Variants in XIRP2 observed in about 807,000 individuals in gnomAD.
XIRP2 encodes the protein xin actin-binding repeat-containing protein 2.
Under a neutral mutation model 277.0 loss-of-function variants are expected in XIRP2, and 236 were observed. The ratio of observed to expected loss-of-function variants is 0.85; its 90% CI spans 0.77 to 0.95. The LOEUF is 0.95. Among genes scored for constraint, XIRP2 ranks in the 40% least tolerant of loss-of-function variants. The probability of loss-of-function intolerance (pLI) is 0.00; values close to 1 mark genes in which losing one functional copy is unlikely to be tolerated. For missense variants in XIRP2, 4,640 were observed against 4,157.5 expected (o/e 1.12, Z -3.19); for synonymous variants, 1,490 against 1,416.5 (o/e 1.05, Z -1.17).
chr2:166,889,558 T>G (rs939598820), intron 1 of XIRP2: 3 of 152,628 alleles, frequency 2.0e-5, no homozygotes, highest in Admixed American at 2.0e-4. Context: ...ATATTTTGCT[T>G]TCCTCTCCAC....
intron 2 of XIRP2, among the ~76,000 whole-genome samples, chr2:166,964,112 T>C (rs536144167): frequency 2.6e-5 from 4 of 151,780 alleles, no homozygotes; most frequent in Admixed American, 6.6e-5. Flanking sequence ...AGGGTAGGAA[T>C]AGTCATTGAA....
rs764776309 is a variant in XIRP2, at chr2:167,251,635, C to G, written c.10243C>G (p.Leu3415Val). 9.9e-6 allele frequency: 16 copies of G among 1,613,358 alleles called. No individual in the cohort carries two copies. The highest frequency in any genetic ancestry group is 1.4e-5 in the Non-Finnish European group (16 of 1,179,646). ...QPRICSETRS[L>V]SEHFSGMDAF... Reference sequence around the variant, plus strand: ...CAGGATCTGCTCTGAAACCAGGTCTCTAAGTGAACATTTCTCAGGCATGGA... The same window carrying G: ...CAGGATCTGCTCTGAAACCAGGTCTGTAAGTGAACATTTCTCAGGCATGGA... Residue 3415 changes from leucine to valine, a missense_variant, in exon 9 of 11, where the codon CTA becomes GTA. By Grantham distance (32) the Leu-to-Val change is conservative. Transcript: ENST00000409195.
chr2:166,958,526 A>C (rs1408253526), intron 2 of XIRP2, among the ~76,000 whole-genome samples: 1 of 151,690 alleles, frequency 6.6e-6, no homozygotes, highest in Non-Finnish European at 1.5e-5. Flanking sequence ...TGGTCTTGGC[A>C]CTTCAGTGTG....
intron 1 of XIRP2, among the ~76,000 whole-genome samples, chr2:166,897,250 C>T (rs1684268230): frequency 6.6e-6 from 1 of 152,180 alleles, no homozygotes; most frequent in Non-Finnish European, 1.5e-5. Flanking sequence ...ATTCTTTCTG[C>T]ACTGTTTCTG....
At chr2:167,087,813 G>A (rs1051044356) in intron 2 of XIRP2, among the ~76,000 whole-genome samples, 45 of 151,928 alleles carry the variant, frequency 3.0e-4, no homozygotes, top group African/African-American at 6.5e-4. Context: ...CGCACGGTGC[G>A]TGCACCCACT....
At chr2:167,045,521 A>G (rs1359592912) in intron 2 of XIRP2, among the ~76,000 whole-genome samples, 1 of 152,086 alleles carries the variant, frequency 6.6e-6, no homozygotes. Context: ...AAGGCCTAAT[A>G]TTCGGAATCT....
rs1021883020 is a variant in XIRP2, at chr2:167,059,447, G to GA, written c.409-76455dup. On this transcript the variant is annotated intron_variant, in intron 2 of 10. Coordinates refer to ENST00000409195, the MANE Select transcript of XIRP2 (RefSeq NM_152381.6). ...TTAAATAGGGTTAGATTAACATGTG[G>GA]AAAAAAATAAAATAAAATAAAATAA... Among the ~76,000 whole-genome samples, 228 of 101,340 alleles carry GA rather than the reference G, an allele frequency of 2.2e-3. 1 individual carries two copies. Among genetic ancestry groups the GA allele is most frequent in the Non-Finnish European group, 3.2e-3 (172 of 53,794 alleles). The allele number at this position is 101,340 out of a possible 152,430, so 66.5% of individuals were successfully genotyped here.
intron 3 of XIRP2, among the ~76,000 whole-genome samples, chr2:167,179,519 A>C (rs1181537817): frequency 6.6e-6 from 1 of 151,406 alleles, no homozygotes; most frequent in East Asian, 1.9e-4. Flanking sequence ...ACAGGGTTTC[A>C]CCGTATTAGC....
Position 167,250,170 on chromosome 2 carries a change from C to A in XIRP2, c.8778C>A (p.Phe2926Leu), listed in dbSNP as rs1309957845. The A allele has an allele frequency of 2.5e-6, 4 of 1,613,460 alleles. No individual in the cohort carries two copies. Among genetic ancestry groups the A allele is most frequent in the African/African-American group, 1.3e-5 (1 of 74,952 alleles). Residue 2926 changes from phenylalanine (F) to leucine (L), a missense_variant, in exon 9 of 11, where the codon TTC becomes TTA. Transcript: ENST00000409195. ...AAGAGATTACACAGAACAAATCTTT[C>A]TTTTCCTCTGTGAAAGAATCCCAGC... Reference protein sequence around the residue: ...SKQEITQNKSFFSSVKESQRD... With the variant: ...SKQEITQNKSLFSSVKESQRD...
chr2:167,023,591 C>G (rs575051711), intron 2 of XIRP2, among the ~76,000 whole-genome samples: 6 of 152,250 alleles, frequency 3.9e-5, no homozygotes, highest in African/African-American at 1.4e-4. Context: ...GGTTTTAGGT[C>G]AAACATGTAA....
chr2:167,237,254 T>G (rs942111442), intron 5 of XIRP2, among the ~76,000 whole-genome samples: 1 of 152,190 alleles, frequency 6.6e-6, no homozygotes, highest in Non-Finnish European at 1.5e-5. Flanking sequence ...CTACAAAGTG[T>G]TTGTCCCAGA....
chr2:167,012,525 A>G (rs971634741), intron 2 of XIRP2, among the ~76,000 whole-genome samples: 1 of 151,680 alleles, frequency 6.6e-6, no homozygotes, highest in African/African-American at 2.4e-5. Context: ...ACATTACACT[A>G]TGTGGTACAC....
At chr2:167,063,172 T>C (rs1437746542) in intron 2 of XIRP2, among the ~76,000 whole-genome samples, 1 of 151,912 alleles carries the variant, frequency 6.6e-6, no homozygotes, top group African/African-American at 2.4e-5. Context: ...TTTTCTTGGG[T>C]TCTCCTTTAA....
At chr2:166,967,208 T>G (rs1686456156) in intron 2 of XIRP2, among the ~76,000 whole-genome samples, 1 of 151,896 alleles carries the variant, frequency 6.6e-6, no homozygotes, top group South Asian at 2.1e-4. Flanking sequence ...ATAAAACGTT[T>G]GCTGAATCCC....
intron 2 of XIRP2, among the ~76,000 whole-genome samples, chr2:167,041,131 T>C (rs1475581998): frequency 6.6e-6 from 1 of 152,170 alleles, no homozygotes. Flanking sequence ...GGTTAGAGCA[T>C]GCAGGCTAGG....
At chr2:166,954,241 C>T (rs1396163035) in intron 2 of XIRP2, among the ~76,000 whole-genome samples, 3 of 151,890 alleles carry the variant, frequency 2.0e-5, no homozygotes, top group African/African-American at 7.2e-5. Context: ...CTACTATCAA[C>T]TATAAATACA....
intron 3 of XIRP2, among the ~76,000 whole-genome samples, chr2:167,205,650 T>A (rs1660216894): frequency 6.6e-6 from 1 of 152,174 alleles, no homozygotes; most frequent in South Asian, 2.1e-4. Context: ...GAAAGTAGCA[T>A]AGTAATGATG....
intron 9 of XIRP2, 151 bp from the exon 10 acceptor site, chr2:167,253,881 T>C (rs991699042): frequency 3.8e-6 from 3 of 799,354 alleles, no homozygotes. Flanking sequence ...GATAGGTTAG[T>C]CTCTGTCCAG....
At chr2:167,112,273 C>G (rs1032172936) in intron 2 of XIRP2, among the ~76,000 whole-genome samples, 1 of 151,800 alleles carries the variant, frequency 6.6e-6, no homozygotes, top group African/African-American at 2.4e-5. Context: ...TGAGGTCTTT[C>G]TAACTTTTTA....
Sources: allele counts gnomAD v4.1 joint callset (sites outside exome capture counted in the v4.1 genomes callset), GRCh38; gene constraint gnomAD v4.1.1; transcripts MANE v1.5; gene names NCBI Gene and HGNC (gene_info 2026-07-23, HGNC 2026-07-21).